PHACTR1: variants seen among roughly 807,000 people sequenced by gnomAD.
PHACTR1 encodes the protein phosphatase and actin regulator 1, also known as RPEL repeat containing 1.
In PHACTR1, 16 loss-of-function variants were observed where a neutral mutation model predicts 69.2. The ratio of observed to expected loss-of-function variants is 0.23; its 90% CI spans 0.16 to 0.35. PHACTR1 has a LOEUF of 0.35. Ranked by LOEUF, PHACTR1 falls within the 10% of genes least tolerant of loss-of-function variation. The probability of loss-of-function intolerance (pLI) is 1.00; values close to 1 mark genes in which losing one functional copy is unlikely to be tolerated. For missense variants in PHACTR1, 510 were observed against 734.7 expected (o/e 0.69, Z 3.54); for synonymous variants, 312 against 284.5 (o/e 1.10, Z -0.97).
intron 5 of PHACTR1, among the ~76,000 whole-genome samples, chr6:13,158,315 G>T (rs1297802972): frequency 6.6e-6 from 1 of 152,054 alleles, no homozygotes; most frequent in Admixed American, 6.6e-5. Flanking sequence ...AATGTCATCT[G>T]GTTTGACAAA....
chr6:13,244,613 G>A lies in PHACTR1; in HGVS notation c.1391+14420G>A, dbSNP rs191332018. The stretch of plus-strand genomic sequence containing the variant: ...CCCCTGCTGAGAAAAAGAATTCAGC[G>A]ATATTTCTCCCATTTGCTTTTGAAG... On this transcript the variant is annotated intron_variant, in intron 10 of 14. Transcript: ENST00000332995. 1.2e-4 allele frequency among the ~76,000 whole-genome samples: 19 copies of A among 152,326 alleles called. No homozygotes were observed. The East Asian group carries it at 2.9e-3, about 23-fold the overall frequency.
chr6:13,086,462 C>G (rs918912621), intron 5 of PHACTR1, among the ~76,000 whole-genome samples: 4 of 152,044 alleles, frequency 2.6e-5, no homozygotes, highest in Non-Finnish European at 5.9e-5. Flanking sequence ...TTTTGTTGCC[C>G]TAAAAAATTC....
intron 4 of PHACTR1, among the ~76,000 whole-genome samples, chr6:12,856,427 G>A (rs1780375122): frequency 6.6e-6 from 1 of 151,764 alleles, no homozygotes; most frequent in African/African-American, 2.4e-5. Context: ...GTAATTTTTT[G>A]TATTTTTAGT....
At chr6:13,251,703 A>G (rs1774427773) in intron 10 of PHACTR1, among the ~76,000 whole-genome samples, 1 of 152,298 alleles carries the variant, frequency 6.6e-6, no homozygotes, top group South Asian at 2.1e-4. Context: ...TGAGTCTCCT[A>G]TTTGAAAGCA....
chr6:12,801,734 A>T (rs1561895574), intron 4 of PHACTR1, among the ~76,000 whole-genome samples: 1 of 152,156 alleles, frequency 6.6e-6, no homozygotes, highest in Non-Finnish European at 1.5e-5. Context: ...GCTTGACATA[A>T]AAAGCAAGAA....
intron 4 of PHACTR1, among the ~76,000 whole-genome samples, chr6:12,899,922 G>A (rs1239323764): frequency 6.6e-6 from 1 of 152,126 alleles, no homozygotes; most frequent in Non-Finnish European, 1.5e-5. Flanking sequence ...TCACAAGAGG[G>A]CCATCATCAC....
At position 12,830,133 on chromosome 6, in the gene PHACTR1, G is replaced by GAAAGAAAGAAAGAAAGAAAGA. The variant is rs1554146503; in HGVS notation, c.250+80346_250+80366dup. 2.4e-3 allele frequency among the ~76,000 whole-genome samples: 347 copies of GAAAGAAAGAAAGAAAGAAAGA among 143,440 alleles called. 2 individuals carry two copies. Among genetic ancestry groups the GAAAGAAAGAAAGAAAGAAAGA allele is most frequent in the African/African-American group, 7.8e-3 (310 of 39,614 alleles). The allele number at this position is 143,440 out of a possible 152,430, so 94.1% of individuals were successfully genotyped here. A position where few individuals can be genotyped will look rare whatever the true frequency, so the allele number is the denominator to read the frequency against. On this transcript the variant is annotated intron_variant, in intron 4 of 14. Coordinates refer to ENST00000332995, the MANE Select transcript of PHACTR1 (RefSeq NM_030948.6). ...AGAAAGAAAGAAAGAAAGAAAGAAA[G>GAAAGAAAGAAAGAAAGAAAGA]AAAGAAAGAAAGAAAGAAAGAAAGA...
At chr6:13,227,790 C>T (rs1770041606) in intron 8 of PHACTR1, 26 bp from the exon 9 acceptor site, 1 of 1,604,746 alleles carries the variant, frequency 6.2e-7, no homozygotes, top group South Asian at 1.1e-5. Context: ...AAGTGAATTT[C>T]CTCTTTCCTC....
chr6:12,796,291 A>G (rs1260522941), intron 4 of PHACTR1, among the ~76,000 whole-genome samples: 1 of 152,194 alleles, frequency 6.6e-6, no homozygotes, highest in African/African-American at 2.4e-5. Context: ...GAGAAATAAA[A>G]CATAGTATTT....
At chr6:12,978,736 T>C (rs1795177506) in intron 4 of PHACTR1, among the ~76,000 whole-genome samples, 1 of 152,214 alleles carries the variant, frequency 6.6e-6, no homozygotes, top group Non-Finnish European at 1.5e-5. Flanking sequence ...GTTTGTTGCA[T>C]GGGGTCGACT....
chr6:12,770,574 T>G lies in PHACTR1; in HGVS notation c.250+20784T>G, dbSNP rs897665073. Among the ~76,000 whole-genome samples the G allele has an allele frequency of 7.9e-5, 12 of 152,294 alleles. No individual in the cohort carries two copies. In the East Asian group the frequency reaches 1.2e-3, roughly 15 times the overall value. On this transcript the variant is annotated intron_variant, in intron 4 of 14. Coordinates refer to ENST00000332995, the MANE Select transcript of PHACTR1 (RefSeq NM_030948.6). ...GGGGCATTCTAATCAGAGAAGACAG[T>G]CTGCACAAAACTCATTTGGCATTTA...
chr6:12,810,487 T>C (rs984938609), intron 4 of PHACTR1, among the ~76,000 whole-genome samples: 4 of 152,236 alleles, frequency 2.6e-5, no homozygotes, highest in African/African-American at 9.6e-5. Context: ...AGATGCACTG[T>C]GTTCTCTCAG....
chr6:12,998,120 A>C (rs1797649100), intron 4 of PHACTR1, among the ~76,000 whole-genome samples: 1 of 152,214 alleles, frequency 6.6e-6, no homozygotes, highest in Admixed American at 6.5e-5. Context: ...TATAGGAAAA[A>C]TCAACTGCGC....
intron 5 of PHACTR1, among the ~76,000 whole-genome samples, chr6:13,106,715 T>C (rs1816206167): frequency 6.6e-6 from 1 of 152,136 alleles, no homozygotes; most frequent in Non-Finnish European, 1.5e-5. Context: ...TAAGGAATTT[T>C]TTTCATCTCT....
intron 8 of PHACTR1, among the ~76,000 whole-genome samples, chr6:13,221,483 GA>G (rs962832301): frequency 6.6e-6 from 1 of 152,116 alleles, no homozygotes; most frequent in African/African-American, 2.4e-5. Context: ...ACCATTGGGG[GA>G]CCACTACTTC....
At chr6:12,827,204 A>C (rs1776903811) in intron 4 of PHACTR1, among the ~76,000 whole-genome samples, 1 of 152,206 alleles carries the variant, frequency 6.6e-6, no homozygotes, top group Admixed American at 6.5e-5. Flanking sequence ...AGAGATAAGA[A>C]CTTCCCAAAT....
chr6:13,003,636 A>T (rs1798360866), intron 4 of PHACTR1, among the ~76,000 whole-genome samples: 1 of 151,930 alleles, frequency 6.6e-6, no homozygotes, highest in African/African-American at 2.4e-5. Context: ...TTTTTATTAC[A>T]TGGATATATT....
At chr6:12,930,207 C>T (rs1026511651) in intron 4 of PHACTR1, among the ~76,000 whole-genome samples, 3 of 152,034 alleles carry the variant, frequency 2.0e-5, no homozygotes, top group Non-Finnish European at 4.4e-5. Context: ...CAACACCTGG[C>T]TGATTTGGGG....
intron 7 of PHACTR1, among the ~76,000 whole-genome samples, chr6:13,190,042 T>TTA (rs1554150971): frequency 8.9e-4 from 131 of 146,674 alleles, no homozygotes; most frequent in Middle Eastern, 3.6e-3. Context: ...TTTTTTTTTT[T>TTA]AAAACAGTTT....
Sources: gnomAD v4.1 joint callset for allele counts (sites outside exome capture counted in the v4.1 genomes callset) on GRCh38, gnomAD v4.1.1 for gene constraint, MANE v1.5 for transcripts, NCBI Gene and HGNC (gene_info 2026-07-23, HGNC 2026-07-21) for gene names.